ABLIM2: variants seen among roughly 807,000 people sequenced by gnomAD.
The protein encoded by ABLIM2 is actin-binding LIM protein 2.
Under a neutral mutation model 97.7 loss-of-function variants are expected in ABLIM2, and 53 were observed. That is an observed-to-expected ratio of 0.54 (90% CI 0.44 to 0.68). The LOEUF (loss-of-function observed/expected upper bound fraction) is 0.68, where lower values mean the gene tolerates loss of function less well. Ranked by LOEUF, ABLIM2 falls within the 30% of genes least tolerant of loss-of-function variation. The pLI is 0.00. For synonymous variants in ABLIM2, 361 were observed against 345.8 expected (o/e 1.04, Z -0.49); for missense variants, 835 against 867.2 (o/e 0.96, Z 0.47).
At chr4:8,111,222 G>C (rs1840134932) in intron 1 of ABLIM2, among the ~76,000 whole-genome samples, 1 of 152,254 alleles carries the variant, frequency 6.6e-6, no homozygotes, top group Non-Finnish European at 1.5e-5. Flanking sequence ...AATGAATACT[G>C]CTAGCTGGAA....
intron 3 of ABLIM2, among the ~76,000 whole-genome samples, chr4:8,091,838 T>TATTATATATACAATATATTATATATAC (rs1468751822): frequency 2.0e-5 from 2 of 99,704 alleles, no homozygotes; most frequent in Non-Finnish European, 3.6e-5. Flanking sequence ...ATAAATAATA[T>TATTATATATACAATATATTATATATAC]AATATATTAT....
chr4:8,094,798 C>G (rs191568260), intron 3 of ABLIM2, among the ~76,000 whole-genome samples: 12 of 152,156 alleles, frequency 7.9e-5, no homozygotes, highest in Non-Finnish European at 1.5e-4. Flanking sequence ...CTTTGGGTCA[C>G]ATTTTCTAGT....
chr4:8,060,404 A>G (rs1263408285), intron 7 of ABLIM2, among the ~76,000 whole-genome samples: 1 of 152,152 alleles, frequency 6.6e-6, no homozygotes, highest in East Asian at 1.9e-4. Flanking sequence ...GGCCTGTTAG[A>G]AGTCCGCTAC....
rs11936149 is a variant in ABLIM2, at chr4:8,120,769, T to G, written c.11-14132A>C. On this transcript the variant is annotated intron_variant, in intron 1 of 20. Coordinates refer to ENST00000447017, the MANE Select transcript of ABLIM2 (RefSeq NM_001130083.2). This position sits in a 1 kb window ranked among gnomAD's most constrained non-coding sequence, Gnocchi z 5.6. ...TCACTAAGTTGAGACTTCACTGACTTCACCTAACCTAGCGACCATCACAGC... is the reference window on the plus strand; with the variant it reads ...TCACTAAGTTGAGACTTCACTGACTGCACCTAACCTAGCGACCATCACAGC... 0.37 allele frequency among the ~76,000 whole-genome samples: 55,493 copies of G among 152,000 alleles called. 10,756 individuals are homozygous for G. Among genetic ancestry groups the G allele is most frequent in the Non-Finnish European group, 0.44 (29,623 of 67,968 alleles).
intron 14 of ABLIM2, among the ~76,000 whole-genome samples, chr4:8,012,280 C>A (rs1002233974): frequency 2.0e-5 from 3 of 151,882 alleles, no homozygotes; most frequent in African/African-American, 7.3e-5. Flanking sequence ...CACCACCCAT[C>A]CATCTAACCA....
At chr4:8,143,253 T>G (rs1561628773) in intron 1 of ABLIM2, among the ~76,000 whole-genome samples, 1 of 151,572 alleles carries the variant, frequency 6.6e-6, no homozygotes, top group African/African-American at 2.4e-5. Flanking sequence ...CCTGTTGTAC[T>G]GTCAGCGGTC....
At chr4:8,084,019 G>A (rs34006930) in intron 4 of ABLIM2, among the ~76,000 whole-genome samples, 15,045 of 151,910 alleles carry the variant, frequency 0.099, 1,099 homozygotes, top group African/African-American at 0.19. Context: ...CAGCACCTCA[G>A]GTCTAACTGG....
intron 2 of ABLIM2, among the ~76,000 whole-genome samples, chr4:8,099,228 T>G (rs1258037579): frequency 6.6e-6 from 1 of 152,232 alleles, no homozygotes; most frequent in African/African-American, 2.4e-5. Context: ...AAGCAGAGAC[T>G]TGGGGGCCTC....
intron 1 of ABLIM2, among the ~76,000 whole-genome samples, chr4:8,121,676 C>T (rs953755872): frequency 8.5e-5 from 13 of 152,214 alleles, no homozygotes; most frequent in South Asian, 2.1e-4. Context: ...AGAGTGGCCA[C>T]GCTGGTCCAA....
At chr4:8,076,534 T>C (rs761609266) in intron 6 of ABLIM2, among the ~76,000 whole-genome samples, 8 of 151,848 alleles carry the variant, frequency 5.3e-5, no homozygotes, top group Admixed American at 2.0e-4. Flanking sequence ...AGCCCCACCC[T>C]ATCCTCCCAG....
chr4:8,009,141 T>C (rs1394710023), intron 14 of ABLIM2, 39 bp from the exon 15 acceptor site: 5 of 1,612,496 alleles, frequency 3.1e-6, no homozygotes, highest in Non-Finnish European at 4.2e-6. Context: ...CCACACACCA[T>C]TGCTTGTGGG....
Position 8,123,207 on chromosome 4 carries a change from G to A in ABLIM2, c.11-16570C>T, listed in dbSNP as rs1426366783. ...CCCTGGCAGCTGGTGCCCCTTACTT[G>A]GGGTCTCTAATCCCTGCCTGGCCCT... On this transcript the variant is annotated intron_variant, in intron 1 of 20. Coordinates refer to ENST00000447017, the MANE Select transcript of ABLIM2 (RefSeq NM_001130083.2). This position sits in a 1 kb window ranked among gnomAD's most constrained non-coding sequence, Gnocchi z 6.2. Among the ~76,000 whole-genome samples, 1 of 152,170 alleles carries A rather than the reference G, an allele frequency of 6.6e-6. No individual in the cohort carries two copies. The highest frequency in any genetic ancestry group is 2.4e-5 in the African/African-American group (1 of 41,428).
In ABLIM2 at chr4:8,015,621, C is replaced by T. The variant is rs78760269; in HGVS notation, c.1423+3997G>A. Among the ~76,000 whole-genome samples, 38 of 152,280 alleles carry T rather than the reference C, an allele frequency of 2.5e-4. No individual in the cohort carries two copies. The East Asian group carries it at 6.2e-3, about 25-fold the overall frequency. On this transcript the variant is annotated intron_variant, in intron 14 of 20. Coordinates refer to ENST00000447017, the MANE Select transcript of ABLIM2 (RefSeq NM_001130083.2). The surrounding 1 kb of genome is among the most constrained non-coding windows in gnomAD (Gnocchi z 4.6). Reference sequence around the variant, plus strand: ...AAGACACAGGGAACAACGTGTGTCCCGTGGGGTCACTTCCACTGTTGGCTT... The same window carrying T: ...AAGACACAGGGAACAACGTGTGTCCTGTGGGGTCACTTCCACTGTTGGCTT...
intron 9 of ABLIM2, among the ~76,000 whole-genome samples, chr4:8,037,892 G>GC (rs1785582650): frequency 1.3e-5 from 2 of 152,226 alleles, no homozygotes; most frequent in Non-Finnish European, 2.9e-5. Context: ...GGGAGGTCCA[G>GC]CTGGTGTGTG....
In ABLIM2 at chr4:8,140,441, G is replaced by A. The variant is rs1850791993; in HGVS notation, c.10+18239C>T. On this transcript the variant is annotated intron_variant, in intron 1 of 20. Transcript: ENST00000447017. The surrounding 1 kb of genome is among the most constrained non-coding windows in gnomAD (Gnocchi z 5.9). ...AACTTCGTGAAACAGTGCCAGAGGA[G>A]GACCGCATCGTGCACCACCTGGAGG... Among the ~76,000 whole-genome samples the A allele has an allele frequency of 6.6e-6, 1 of 152,224 alleles. No homozygotes were observed. The highest frequency in any genetic ancestry group is 2.4e-5 in the African/African-American group (1 of 41,528).
At chr4:8,138,226 T>C (rs1484006145) in intron 1 of ABLIM2, among the ~76,000 whole-genome samples, 1 of 152,170 alleles carries the variant, frequency 6.6e-6, no homozygotes, top group South Asian at 2.1e-4. Flanking sequence ...AAAGGTTCTA[T>C]GGATAGACAG....
rs571299695 is a variant in ABLIM2, at chr4:8,093,342, G to A, written c.338+3757C>T. 6.0e-4 allele frequency among the ~76,000 whole-genome samples: 92 copies of A among 152,262 alleles called. 1 individual carries two copies. The highest frequency in any genetic ancestry group is 1.9e-3 in the African/African-American group (78 of 41,546). On this transcript the variant is annotated intron_variant, in intron 3 of 20. Transcript: ENST00000447017. The stretch of plus-strand genomic sequence containing the variant: ...TTGCTTTTGCAGTTTCTCATTTTGC[G>A]TTTCCTTCAGCCCACAAAACTTCCT...
At chr4:8,126,288 C>A (rs1847883534) in intron 1 of ABLIM2, among the ~76,000 whole-genome samples, 3 of 152,116 alleles carry the variant, frequency 2.0e-5, no homozygotes, top group South Asian at 4.2e-4. Flanking sequence ...GGGCACCAGG[C>A]CTCGTGCCCA....
In ABLIM2 at chr4:8,007,098, T is replaced by C. The variant is rs190309087; in HGVS notation, c.1618+961A>G. The C allele has an allele frequency of 1.9e-4, 191 of 985,468 alleles. No homozygotes were observed. The African/African-American group carries it at 3.0e-3, about 16-fold the overall frequency. 61.0% of individuals were successfully genotyped at this position (985,468 alleles called of 1,614,324 possible). The stretch of plus-strand genomic sequence containing the variant: ...TGTGTCTTCACTCTTTCCTGTCACA[T>C]TGAAACACTTTTCTACTTTCATTGT... On this transcript the variant is annotated intron_variant, in intron 16 of 20. Coordinates refer to ENST00000447017, the MANE Select transcript of ABLIM2 (RefSeq NM_001130083.2).
Sources: gnomAD v4.1 joint callset for allele counts (sites outside exome capture counted in the v4.1 genomes callset) on GRCh38, gnomAD v4.1.1 for gene constraint, Gnocchi (gnomAD v3.1) non-coding constraint, MANE v1.5 for transcripts, NCBI Gene and HGNC (gene_info 2026-07-23, HGNC 2026-07-21) for gene names.